The following CMSS1 variants were observed in gnomAD, a reference collection of about 807,000 sequenced individuals.
CMSS1 encodes protein CMSS1.
CMSS1 carries 33 observed loss-of-function variants against 43.5 expected under a neutral mutation model. The observed-to-expected ratio is 0.76, with a 90% CI of 0.57 to 1.01. CMSS1 has a LOEUF of 1.01. Among genes scored for constraint, CMSS1 ranks in the 50% least tolerant of loss-of-function variants. CMSS1 has a pLI of 0.00. For missense variants in CMSS1, 313 were observed against 326.4 expected, an observed-to-expected ratio of 0.96 and a Z score of 0.32; for synonymous variants, 115 against 117.2, an observed-to-expected ratio of 0.98 and a Z score of 0.12.
intron 1 of CMSS1, among the ~76,000 whole-genome samples, chr3:99,892,084 A>C (rs574795741): frequency 6.6e-6 from 1 of 152,354 alleles, no homozygotes; most frequent in Non-Finnish European, 1.5e-5. Context: ...AGCTTCTGCT[A>C]TGCTTTTACC....
intron 1 of CMSS1, among the ~76,000 whole-genome samples, chr3:99,997,598 T>A (rs1350268344): frequency 6.6e-6 from 1 of 152,052 alleles, no homozygotes; most frequent in Non-Finnish European, 1.5e-5. Flanking sequence ...AGGGGCAGGG[T>A]GGGAAGGATA....
chr3:100,079,310 A>C (rs1216089257), intron 1 of CMSS1, among the ~76,000 whole-genome samples: 1 of 152,248 alleles, frequency 6.6e-6, no homozygotes, highest in African/African-American at 2.4e-5. Context: ...GATTCAAGGT[A>C]GAGGAAATAG....
chr3:99,994,829 A>G (rs7628458), intron 1 of CMSS1, among the ~76,000 whole-genome samples: 1,831 of 152,044 alleles, frequency 0.012, 22 homozygotes, highest in African/African-American at 0.027. Flanking sequence ...ATCAGATCTC[A>G]TGAGACTTAT....
chr3:100,139,357 A>G (rs35503455), intron 1 of CMSS1, among the ~76,000 whole-genome samples: 1 of 151,742 alleles, frequency 6.6e-6, no homozygotes, highest in Non-Finnish European at 1.5e-5. Context: ...TAAAAAAAAA[A>G]CCCTTGAAAC....
At chr3:100,003,751 C>A (rs1292844759) in intron 1 of CMSS1, among the ~76,000 whole-genome samples, 1 of 151,882 alleles carries the variant, frequency 6.6e-6, no homozygotes, top group Non-Finnish European at 1.5e-5. Context: ...GTTTGTTTAC[C>A]CTTGAGATGC....
chr3:99,847,851 TA>T, intron 1 of CMSS1: 2 of 723,842 alleles, frequency 2.8e-6, no homozygotes, highest in Non-Finnish European at 3.4e-6. Flanking sequence ...ATAGAGACTA[TA>T]AGCAAAAGAC....
At chr3:99,847,808 A>G (rs910343804) in intron 1 of CMSS1, 5 of 289,328 alleles carry the variant, frequency 1.7e-5, no homozygotes, top group Non-Finnish European at 2.1e-5. Context: ...CATAAATGGG[A>G]CATAGGTCCT....
rs1165811944 is a variant in CMSS1 at position 100,136,997 on chromosome 3, G to A, written c.65-9976G>A. Among the ~76,000 whole-genome samples the A allele has an allele frequency of 2.0e-5, 3 of 152,336 alleles. No homozygotes were observed. In the East Asian group the frequency reaches 5.8e-4, roughly 29 times the overall value. ...CTTTTCCTCCCCTTCCCTTCCCTAT[G>A]ATCTGTGTTGCTGGCATGGCCTTAC... is the stretch of plus-strand genomic sequence containing the variant. On this transcript the variant is annotated intron_variant, in intron 1 of 9. Transcript: ENST00000421999.
At chr3:99,887,109 T>A (rs1335708467) in intron 1 of CMSS1, among the ~76,000 whole-genome samples, 2 of 150,122 alleles carry the variant, frequency 1.3e-5, no homozygotes, top group Non-Finnish European at 3.0e-5. Context: ...CCATCTCTAC[T>A]AAAAATACAA....
chr3:99,887,509 C>T (rs1441024191), intron 1 of CMSS1, among the ~76,000 whole-genome samples: 1 of 152,148 alleles, frequency 6.6e-6, no homozygotes, highest in Admixed American at 6.5e-5. Context: ...TGGATCCAGG[C>T]TACGAATAGG....
intron 1 of CMSS1, among the ~76,000 whole-genome samples, chr3:99,946,797 GTATT>G (rs985732634): frequency 6.2e-4 from 94 of 152,126 alleles, no homozygotes; most frequent in Non-Finnish European, 9.4e-4. Flanking sequence ...GTTGGCTGCA[GTATT>G]TAAAGTAGTG....
chr3:99,978,980 C>G (rs967813925), intron 1 of CMSS1, among the ~76,000 whole-genome samples: 1 of 152,000 alleles, frequency 6.6e-6, no homozygotes, highest in African/African-American at 2.4e-5. Flanking sequence ...TTAACAGATA[C>G]AAAATTACGG....
At chr3:99,904,420 G>A (rs1294054809) in intron 1 of CMSS1, among the ~76,000 whole-genome samples, 2 of 152,144 alleles carry the variant, frequency 1.3e-5, no homozygotes, top group African/African-American at 2.4e-5. Context: ...AGTGTTTTCA[G>A]CCCTAGCATT....
intron 1 of CMSS1, among the ~76,000 whole-genome samples, chr3:99,996,969 A>G (rs1164886910): frequency 6.6e-6 from 1 of 152,208 alleles, no homozygotes; most frequent in Admixed American, 6.5e-5. Flanking sequence ...AAAACACAAC[A>G]TGCCTTAACC....
chr3:99,998,575 C>T (rs1709748648), intron 1 of CMSS1, among the ~76,000 whole-genome samples: 2 of 152,260 alleles, frequency 1.3e-5, no homozygotes, highest in Admixed American at 1.3e-4. Context: ...TAAAGAAAGA[C>T]AAAACTCAAA....
intron 1 of CMSS1, among the ~76,000 whole-genome samples, chr3:100,011,983 C>T (rs1026571003): frequency 3.3e-5 from 5 of 152,054 alleles, no homozygotes; most frequent in African/African-American, 4.8e-5. Flanking sequence ...TCTGATATTT[C>T]GATTATGATA....
chr3:100,140,867 T>G (rs1359823744), intron 1 of CMSS1, among the ~76,000 whole-genome samples: 1 of 152,158 alleles, frequency 6.6e-6, no homozygotes, highest in East Asian at 1.9e-4. Flanking sequence ...AAAATAACAG[T>G]ACTGCCCCAA....
At chr3:100,023,252 A>G (rs1201657947) in intron 1 of CMSS1, 1 of 152,476 alleles carries the variant, frequency 6.6e-6, no homozygotes, top group Admixed American at 6.6e-5. Flanking sequence ...ACCACGAAGT[A>G]TTGTTCTTTG....
At chr3:100,034,535 G>C (rs112225941) in intron 1 of CMSS1, among the ~76,000 whole-genome samples, 6 of 152,304 alleles carry the variant, frequency 3.9e-5, no homozygotes, top group African/African-American at 1.2e-4. Flanking sequence ...CTAAATAATA[G>C]AGGAAATTAT....
Sources: gnomAD v4.1 joint callset for allele counts (sites outside exome capture counted in the v4.1 genomes callset) on GRCh38, gnomAD v4.1.1 for gene constraint, MANE v1.5 for transcripts, NCBI Gene and HGNC (gene_info 2026-07-23, HGNC 2026-07-21) for gene names.